Variants in LRRC28 observed in about 807,000 individuals in gnomAD.
LRRC28 encodes leucine rich repeat containing 28, also known as leucine-rich repeat-containing protein 28.
In LRRC28, 39 loss-of-function variants were observed where a neutral mutation model predicts 45.7. The ratio of observed to expected loss-of-function variants is 0.85; its 90% CI spans 0.66 to 1.12. The LOEUF (loss-of-function observed/expected upper bound fraction) is 1.12, where lower values mean the gene tolerates loss of function less well. Ranked by LOEUF, LRRC28 falls within the 50% of genes most tolerant of loss-of-function variation. The pLI is 0.00. For missense variants in LRRC28, 435 were observed against 438.5 expected, an observed-to-expected ratio of 0.99 and a Z score of 0.07; for synonymous variants, 206 against 178.8, an observed-to-expected ratio of 1.15 and a Z score of -1.22.
intron 5 of LRRC28, among the ~76,000 whole-genome samples, chr15:99,325,996 G>A (rs1049027689): frequency 3.9e-5 from 6 of 152,168 alleles, no homozygotes; most frequent in African/African-American, 1.4e-4. Context: ...GTTCAGGCAA[G>A]AGATGGTAAT....
intron 5 of LRRC28, among the ~76,000 whole-genome samples, chr15:99,328,208 G>A (rs1393499504): frequency 6.6e-6 from 1 of 152,142 alleles, no homozygotes; most frequent in African/African-American, 2.4e-5. Context: ...TGTCAAATTA[G>A]GTCAGTTTGT....
chr15:99,258,357 C>T lies in LRRC28; in HGVS notation c.168+2232C>T, dbSNP rs541691919. ...GGAAACACTCTAGGACGGGGAACGA[C>T]CATTACCCTTGTCTTAAAAGAAAAA... On this transcript the variant is annotated intron_variant, in intron 2 of 9. Coordinates refer to ENST00000301981, the MANE Select transcript of LRRC28 (RefSeq NM_144598.5). The T allele has an allele frequency of 2.3e-6, 3 of 1,279,052 alleles. No homozygotes were observed. The Admixed American group carries it at 5.1e-5, about 22-fold the overall frequency. The allele number at this position is 1,279,052 out of a possible 1,614,324, so 79.2% of individuals were successfully genotyped here.
rs1408356508 is a variant in LRRC28, at chr15:99,264,734, C to G, written c.168+8609C>G. Among the ~76,000 whole-genome samples the G allele has an allele frequency of 8.1e-5, 12 of 148,880 alleles. No individual in the cohort carries two copies. The Admixed American group carries it at 8.1e-4, about 10-fold the overall frequency. Reference sequence around the variant, plus strand: ...GATTTTTCTTCTATTCTTCCCTTTTCTTTTCTTTTCCCTTTCCTTTTCCCC... The same window carrying G: ...GATTTTTCTTCTATTCTTCCCTTTTGTTTTCTTTTCCCTTTCCTTTTCCCC... On this transcript the variant is annotated intron_variant, in intron 2 of 9. Coordinates refer to ENST00000301981, the MANE Select transcript of LRRC28 (RefSeq NM_144598.5).
chr15:99,356,503 A>G (rs1353826713), intron 7 of LRRC28, among the ~76,000 whole-genome samples: 1 of 152,234 alleles, frequency 6.6e-6, no homozygotes, highest in Non-Finnish European at 1.5e-5. Flanking sequence ...TGAAGGACAC[A>G]TAGAAAAGAC....
intron 6 of LRRC28, among the ~76,000 whole-genome samples, chr15:99,345,375 T>C (rs1956646433): frequency 6.6e-6 from 1 of 152,212 alleles, no homozygotes. Context: ...GAAAAAATAT[T>C]CCAAAGTGTT....
At chr15:99,347,935 C>T (rs961509161) in intron 6 of LRRC28, among the ~76,000 whole-genome samples, 10 of 152,182 alleles carry the variant, frequency 6.6e-5, no homozygotes, top group African/African-American at 2.2e-4. Flanking sequence ...CCCTCAGCAA[C>T]ATTTGTTATC....
intron 5 of LRRC28, among the ~76,000 whole-genome samples, chr15:99,301,177 A>C (rs1460329765): frequency 6.6e-6 from 1 of 152,226 alleles, no homozygotes; most frequent in East Asian, 1.9e-4. Context: ...CCAAATCCCT[A>C]AATTATTTAG....
At chr15:99,325,703 T>C (rs961219832) in intron 5 of LRRC28, among the ~76,000 whole-genome samples, 6 of 152,216 alleles carry the variant, frequency 3.9e-5, no homozygotes, top group African/African-American at 1.4e-4. Context: ...CATGAACATG[T>C]GTATTACATT....
intron 9 of LRRC28, among the ~76,000 whole-genome samples, chr15:99,363,783 A>G (rs1567699714): frequency 6.6e-6 from 1 of 152,232 alleles, no homozygotes; most frequent in African/African-American, 2.4e-5. Context: ...GAATTTGCGA[A>G]GAATGTTCAC....
rs202024395 is a variant in LRRC28, at chr15:99,375,232, T to C, written c.1032-10798T>C. Among the ~76,000 whole-genome samples the C allele has an allele frequency of 6.6e-5, 10 of 152,336 alleles. No individual in the cohort carries two copies. In the East Asian group the frequency reaches 1.7e-3, roughly 26 times the overall value. The stretch of plus-strand genomic sequence containing the variant: ...AATGCTGCTTCTGAGTCCATTGATA[T>C]GATCATATGGTTTTTCTTTTGCCTG... On this transcript the variant is annotated intron_variant, in intron 9 of 9. Transcript: ENST00000301981.
intron 6 of LRRC28, among the ~76,000 whole-genome samples, chr15:99,352,083 G>A (rs1046401208): frequency 6.6e-6 from 1 of 152,194 alleles, no homozygotes; most frequent in Non-Finnish European, 1.5e-5. Flanking sequence ...TTGCTAAACT[G>A]ACTTAGCAGA....
chr15:99,367,477 AC>A (rs1433785148), intron 9 of LRRC28, among the ~76,000 whole-genome samples: 2 of 151,898 alleles, frequency 1.3e-5, no homozygotes, highest in African/African-American at 4.8e-5. Context: ...TTCATCAGGA[AC>A]CCCCTCCCAC....
chr15:99,362,034 C>T (rs960311140), intron 8 of LRRC28, among the ~76,000 whole-genome samples: 4 of 152,160 alleles, frequency 2.6e-5, no homozygotes, highest in Non-Finnish European at 2.9e-5. Context: ...GCAGTACTGT[C>T]GCAGCGTGCC....
At chr15:99,275,613 T>C (rs2081596805) in intron 2 of LRRC28, among the ~76,000 whole-genome samples, 1 of 152,214 alleles carries the variant, frequency 6.6e-6, no homozygotes, top group East Asian at 1.9e-4. Context: ...CTCTGACAGT[T>C]CTTGAGGCAG....
At chr15:99,352,293 T>C in intron 6 of LRRC28, 76 bp from the exon 7 acceptor site, 2 of 951,990 alleles carry the variant, frequency 2.1e-6, no homozygotes, top group East Asian at 2.5e-5. Context: ...TTTCTAATAC[T>C]ATGTATTAAA....
chr15:99,347,413 T>G lies in LRRC28; in HGVS notation c.593-4956T>G, dbSNP rs770828700. Among the ~76,000 whole-genome samples, 6 of 152,310 alleles carry G rather than the reference T, an allele frequency of 3.9e-5. No homozygotes were observed. The South Asian group carries it at 1.0e-3, about 26-fold the overall frequency. On this transcript the variant is annotated intron_variant, in intron 6 of 9. Transcript: ENST00000301981. Reference sequence around the variant, plus strand: ...TTTAGTAGAGACGGTTCCACCGTATTAGCCAGGATGGTCTTGATCTCCTGA... The same window carrying G: ...TTTAGTAGAGACGGTTCCACCGTATGAGCCAGGATGGTCTTGATCTCCTGA...
At chr15:99,381,319 C>T (rs1027789207) in intron 9 of LRRC28, among the ~76,000 whole-genome samples, 5 of 152,158 alleles carry the variant, frequency 3.3e-5, no homozygotes, top group South Asian at 2.1e-4. Context: ...TCCAGTTGAT[C>T]AAATCGGCTA....
At chr15:99,258,468 C>T (rs1255577789) in intron 2 of LRRC28, 13 of 802,766 alleles carry the variant, frequency 1.6e-5, no homozygotes, top group Admixed American at 7.7e-5. Context: ...ATGTATGGAG[C>T]AGCAAGACTG....
chr15:99,329,646 G>T (rs1956095237), intron 5 of LRRC28, among the ~76,000 whole-genome samples: 3 of 152,222 alleles, frequency 2.0e-5, no homozygotes, highest in Admixed American at 2.0e-4. Context: ...TAAATGAAGA[G>T]ATGTCCATTT....
Sources: gnomAD v4.1 joint callset for allele counts (sites outside exome capture counted in the v4.1 genomes callset) on GRCh38, gnomAD v4.1.1 for gene constraint, MANE v1.5 for transcripts, NCBI Gene and HGNC (gene_info 2026-07-23, HGNC 2026-07-21) for gene names.